Variants in MYRFL observed in about 807,000 individuals in gnomAD.
The protein encoded by MYRFL is myelin regulatory factor-like protein.
Under a neutral mutation model 109.4 loss-of-function variants are expected in MYRFL, and 88 were observed. The ratio of observed to expected loss-of-function variants is 0.80; its 90% CI spans 0.68 to 0.96. The LOEUF (loss-of-function observed/expected upper bound fraction) is 0.96. MYRFL is among the 40% of genes least tolerant of loss of function. The pLI is 0.00. For synonymous variants in MYRFL, 324 were observed against 320.9 expected, an observed-to-expected ratio of 1.01 and a Z score of -0.10; for missense variants, 957 against 954.9, an observed-to-expected ratio of 1.00 and a Z score of -0.03.
At chr12:69,915,261 C>A (rs1311000702) in intron 13 of MYRFL, among the ~76,000 whole-genome samples, 1 of 152,088 alleles carries the variant, frequency 6.6e-6, no homozygotes, top group East Asian at 1.9e-4. Context: ...TTTTAAGGAA[C>A]TTTGCCAGGA....
At chr12:69,947,773 G>A (rs924708702) in intron 19 of MYRFL, among the ~76,000 whole-genome samples, 9 of 152,136 alleles carry the variant, frequency 5.9e-5, no homozygotes, top group Admixed American at 3.9e-4. Context: ...CTCAGCCATC[G>A]ACTGGTGGGG....
At chr12:69,855,922 A>G (rs938333893) in intron 2 of MYRFL, among the ~76,000 whole-genome samples, 2 of 152,052 alleles carry the variant, frequency 1.3e-5, no homozygotes, top group Non-Finnish European at 1.5e-5. Flanking sequence ...TCTGGTATTA[A>G]TATAGGCACT....
chr12:69,838,329 C>G (rs1205086238), intron 1 of MYRFL, among the ~76,000 whole-genome samples: 3 of 152,086 alleles, frequency 2.0e-5, no homozygotes, highest in Admixed American at 2.0e-4. Context: ...AGGCTTTTTC[C>G]CTTCCTCCTC....
In MYRFL at chr12:69,893,817, CA is replaced by C; in HGVS notation, c.962del (p.Lys321ArgfsTer18). 1.4e-6 allele frequency: 2 copies of C among 1,382,856 alleles called. No individual in the cohort carries two copies. Among genetic ancestry groups the C allele is most frequent in the Non-Finnish European group, 9.4e-7 (1 of 1,068,108 alleles). The allele number at this position is 1,382,856 out of a possible 1,614,324, so 85.7% of individuals were successfully genotyped here. On this transcript the variant is annotated frameshift_variant, in exon 8 of 25. Coordinates refer to ENST00000552032, the MANE Select transcript of MYRFL (RefSeq NM_182530.3). LOFTEE classifies it high-confidence loss of function. ...AIEQSQADRS[K>X]KIFNPVKIDL... ...TTGAACAGTCCCAAGCAGATAGGAG[CA>C]AAAAGATTTTCAATCCTGTTAAGTA... is the stretch of plus-strand genomic sequence containing the variant.
chr12:69,947,833 A>G (rs991103412), intron 19 of MYRFL, among the ~76,000 whole-genome samples: 3 of 152,116 alleles, frequency 2.0e-5, no homozygotes, highest in African/African-American at 7.2e-5. Context: ...AAGGGAAGAG[A>G]AATGTATCCA....
At chr12:69,846,833 A>G (rs1316785069) in intron 1 of MYRFL, among the ~76,000 whole-genome samples, 5 of 151,414 alleles carry the variant, frequency 3.3e-5, no homozygotes, top group Admixed American at 2.0e-4. Context: ...AAGTGTTCCT[A>G]TTTCTCCACA....
At chr12:69,955,000 G>A (rs891901092) in intron 21 of MYRFL, among the ~76,000 whole-genome samples, 3 of 152,160 alleles carry the variant, frequency 2.0e-5, no homozygotes, top group Non-Finnish European at 4.4e-5. Context: ...TTAGTTTGGG[G>A]CTTTGCCTCA....
chr12:69,826,016 T>G (rs182247754), intron 1 of MYRFL, among the ~76,000 whole-genome samples: 145 of 152,154 alleles, frequency 9.5e-4, no homozygotes, highest in African/African-American at 3.4e-3. Flanking sequence ...TAGGGATCAG[T>G]CAGCAGCACA....
At chr12:69,832,925 C>T (rs11177890) in intron 1 of MYRFL, among the ~76,000 whole-genome samples, 3 of 146,248 alleles carry the variant, frequency 2.1e-5, no homozygotes, top group South Asian at 2.2e-4. Context: ...ACTTAGATGT[C>T]GAAGACTGAG....
At chr12:69,911,699 G>T (rs1322178897) in intron 13 of MYRFL, among the ~76,000 whole-genome samples, 2 of 152,128 alleles carry the variant, frequency 1.3e-5, no homozygotes, top group Admixed American at 1.3e-4. Context: ...CTGCATTTTT[G>T]CAAGGTTTGC....
intron 2 of MYRFL, among the ~76,000 whole-genome samples, chr12:69,863,483 A>G (rs567475231): frequency 2.6e-5 from 4 of 152,284 alleles, no homozygotes; most frequent in South Asian, 2.1e-4. Flanking sequence ...AGGGACAACA[A>G]TCTACATACC....
In MYRFL at chr12:69,906,294, T is replaced by C. The variant is rs575660766; in HGVS notation, c.1383+2450T>C. ...ATGACGCAGATATGACCGAAACCTCTGCAACTGAGGTCCTGGGCAGAGGAG... is the reference window on the plus strand; with the variant it reads ...ATGACGCAGATATGACCGAAACCTCCGCAACTGAGGTCCTGGGCAGAGGAG... On this transcript the variant is annotated intron_variant, in intron 11 of 24. Transcript: ENST00000552032. Among the ~76,000 whole-genome samples the C allele has an allele frequency of 2.4e-3, 369 of 152,246 alleles. 2 individuals are homozygous for C. Among genetic ancestry groups the C allele is most frequent in the Middle Eastern group, 3.4e-3 (1 of 294 alleles).
rs1885895702 is a variant in MYRFL at position 69,879,222 on chromosome 12, C to T, written c.233C>T (p.Thr78Ile). 1 of 702,766 alleles carries T rather than the reference C, an allele frequency of 1.4e-6. No homozygotes were observed. The allele number at this position is 702,766 out of a possible 1,614,324, so 43.5% of individuals were successfully genotyped here. Reference protein sequence around the residue: ...KGACYPTLRPTAGRTPAPFLH... With the variant: ...KGACYPTLRPIAGRTPAPFLH... ...GCATGCTACCCAACCCTGAGGCCCACAGCTGGGAGGACTCCAGCTCCTTTT... is the reference window on the plus strand; with the variant it reads ...GCATGCTACCCAACCCTGAGGCCCATAGCTGGGAGGACTCCAGCTCCTTTT... The change falls in exon 4 of 25, where the codon ACA (threonine) becomes ATA (isoleucine). Residue 78 changes from threonine (T) to isoleucine (I), a missense_variant. Transcript: ENST00000552032.
At chr12:69,956,868 T>C (rs1956109380) in intron 22 of MYRFL, among the ~76,000 whole-genome samples, 1 of 152,196 alleles carries the variant, frequency 6.6e-6, no homozygotes, top group Non-Finnish European at 1.5e-5. Context: ...AGTGCTATTA[T>C]CTAGCACTCC....
rs547565289 is a variant in MYRFL, at chr12:69,958,495, C to T, written c.2697C>T (p.Thr899=). ...CTTATTTTGCTGGGATATTCTTCAC[C>T]GATTACTTCTTTTACTTCTATCGAC... The part of the protein sequence containing the change: ...TDPYFAGIFF[T]DYFFYFYRRC... The change falls in exon 25 of 25, where the codon ACC becomes ACT. Residue 899 remains threonine (T), a synonymous_variant. Coordinates refer to ENST00000552032, the MANE Select transcript of MYRFL (RefSeq NM_182530.3). 88 of 1,535,176 alleles carry T rather than the reference C, an allele frequency of 5.7e-5. No homozygotes were observed. The Middle Eastern group carries it at 1.2e-3, about 20-fold the overall frequency.
At chr12:69,831,357 A>G (rs1443108416) in intron 1 of MYRFL, among the ~76,000 whole-genome samples, 1 of 152,184 alleles carries the variant, frequency 6.6e-6, no homozygotes, top group Non-Finnish European at 1.5e-5. Flanking sequence ...AAAACCTAAA[A>G]TATTATCTGG....
intron 1 of MYRFL, among the ~76,000 whole-genome samples, chr12:69,826,083 T>C (rs1427112397): frequency 2.0e-5 from 3 of 151,952 alleles, no homozygotes; most frequent in African/African-American, 7.3e-5. Flanking sequence ...ACAAATAATA[T>C]ATATTTAAAA....
intron 1 of MYRFL, among the ~76,000 whole-genome samples, chr12:69,848,744 T>G (rs140474819): frequency 1.6e-3 from 249 of 152,344 alleles, no homozygotes; most frequent in African/African-American, 5.7e-3. Context: ...GGGATGCTAG[T>G]GCCTTTAGCA....
At chr12:69,913,240 C>G (rs1412059929) in intron 13 of MYRFL, among the ~76,000 whole-genome samples, 9 of 152,090 alleles carry the variant, frequency 5.9e-5, no homozygotes, top group Non-Finnish European at 1.3e-4. Context: ...AATATTTTCT[C>G]CCATTCTGTG....
Sources: allele counts gnomAD v4.1 joint callset (sites outside exome capture counted in the v4.1 genomes callset), GRCh38; gene constraint gnomAD v4.1.1; transcripts MANE v1.5; gene names NCBI Gene and HGNC (gene_info 2026-07-23, HGNC 2026-07-21).